Variants in KIAA1549 observed in about 807,000 individuals in gnomAD.
KIAA1549 encodes the protein KIAA1549.
Under a neutral mutation model 156.4 loss-of-function variants are expected in KIAA1549, and 70 were observed. The observed-to-expected ratio is 0.45, with a 90% CI of 0.37 to 0.55. The LOEUF is 0.55. Ranked by LOEUF, KIAA1549 falls within the 20% of genes least tolerant of loss-of-function variation. The probability of loss-of-function intolerance (pLI) is 0.00; values close to 1 mark genes in which losing one functional copy is unlikely to be tolerated. For synonymous variants in KIAA1549, 1,103 were observed against 1,066.4 expected (o/e 1.03, Z -0.67); for missense variants, 2,428 against 2,540.9 (o/e 0.96, Z 0.96).
At chr7:138,908,175 G>A (rs1812063048) in intron 5 of KIAA1549, among the ~76,000 whole-genome samples, 1 of 152,034 alleles carries the variant, frequency 6.6e-6, no homozygotes, top group South Asian at 2.1e-4. Flanking sequence ...CAGATTTACA[G>A]AAACTAACAG....
intron 15 of KIAA1549, among the ~76,000 whole-genome samples, chr7:138,867,363 T>G (rs994270850): frequency 2.0e-5 from 3 of 152,038 alleles, no homozygotes; most frequent in African/African-American, 7.2e-5. Flanking sequence ...GAGACCAGCC[T>G]GGGCAACATG....
chr7:138,940,618 T>G (rs1813156482), intron 1 of KIAA1549, among the ~76,000 whole-genome samples: 2 of 152,068 alleles, frequency 1.3e-5, no homozygotes, highest in African/African-American at 2.4e-5. Flanking sequence ...TGAACTAGTT[T>G]ACAGTCACAA....
intron 1 of KIAA1549, among the ~76,000 whole-genome samples, chr7:138,953,662 T>C (rs1813561976): frequency 6.6e-6 from 1 of 152,222 alleles, no homozygotes; most frequent in South Asian, 2.1e-4. Context: ...ATGTGATCCA[T>C]ATTCCCAAGC....
intron 9 of KIAA1549, among the ~76,000 whole-genome samples, chr7:138,897,240 T>A (rs1811708062): frequency 6.6e-6 from 1 of 152,216 alleles, no homozygotes; most frequent in Non-Finnish European, 1.5e-5. Context: ...TGCTCACTGC[T>A]TTGGAGGAGA....
chr7:138,852,774 T>C (rs1283008151), intron 16 of KIAA1549, among the ~76,000 whole-genome samples: 3 of 152,194 alleles, frequency 2.0e-5, no homozygotes, highest in Non-Finnish European at 4.4e-5. Flanking sequence ...TGTTGCAGAA[T>C]GCTGCAAAAA....
chr7:138,930,285 AT>A (rs1812834434), intron 1 of KIAA1549, among the ~76,000 whole-genome samples: 1 of 152,264 alleles, frequency 6.6e-6, no homozygotes, highest in African/African-American at 2.4e-5. Context: ...ACTTACCATA[AT>A]TCTTAAGGGC....
chr7:138,857,676 C>G (rs1184075284), intron 16 of KIAA1549, among the ~76,000 whole-genome samples: 2 of 152,216 alleles, frequency 1.3e-5, no homozygotes, highest in Non-Finnish European at 2.9e-5. Context: ...ATACTATGCA[C>G]ATAAACACGT....
rs777817216 is a variant in KIAA1549 at position 138,917,168 on chromosome 7, C to T, written c.2458G>A (p.Gly820Ser). ...PPDDQISALD[G>S]HVSVLASFSK... is the part of the protein sequence containing the mutation. ...AAAGAGGCCAGGACAGACACGTGAC[C>T]GTCTAGAGCACTGATTTGGTCGTCA... Residue 820 changes from glycine (G) to serine (S), a missense_variant, in exon 2 of 20, where the codon GGT (glycine) becomes AGT (serine). This residue lies in a region of KIAA1549 where 762 missense variants were observed against 901.6 expected (regional missense o/e 0.85). Transcript: ENST00000422774. 7 of 1,613,730 alleles carry T rather than the reference C, an allele frequency of 4.3e-6. No individual in the cohort carries two copies. Among genetic ancestry groups the T allele is most frequent in the African/African-American group, 2.7e-5 (2 of 74,900 alleles).
intron 1 of KIAA1549, 111 bp from the exon 2 acceptor site, chr7:138,919,549 A>G: frequency 6.7e-7 from 1 of 1,495,606 alleles, no homozygotes. Context: ...TTCACCATAA[A>G]TATCCATGAA....
At chr7:138,973,761 C>G (rs1199420143) in intron 1 of KIAA1549, among the ~76,000 whole-genome samples, 1 of 152,188 alleles carries the variant, frequency 6.6e-6, no homozygotes, top group South Asian at 2.1e-4. Flanking sequence ...CCTCCTGCCT[C>G]AGCCTCCCGA....
At chr7:138,939,934 G>C (rs1210753420) in intron 1 of KIAA1549, among the ~76,000 whole-genome samples, 1 of 152,158 alleles carries the variant, frequency 6.6e-6, no homozygotes, top group African/African-American at 2.4e-5. Context: ...ACTGCTTGAA[G>C]CCTGTGGTTT....
chr7:138,934,405 C>T (rs1042080292), intron 1 of KIAA1549, among the ~76,000 whole-genome samples: 19 of 134,076 alleles, frequency 1.4e-4, no homozygotes, highest in Non-Finnish European at 2.5e-4. Flanking sequence ...GTATTTGCTA[C>T]TAAAAAAAAA....
intron 1 of KIAA1549, among the ~76,000 whole-genome samples, chr7:138,961,044 G>A (rs1376661557): frequency 1.3e-5 from 2 of 152,206 alleles, no homozygotes; most frequent in Admixed American, 1.3e-4. Context: ...CAGGCCATCG[G>A]ACAGCACAGC....
chr7:138,919,465 G>A (rs760798986), intron 1 of KIAA1549, 27 bp from the exon 2 acceptor site: 1 of 1,593,800 alleles, frequency 6.3e-7, no homozygotes, highest in Non-Finnish European at 8.6e-7. Context: ...AGCTGGGTTA[G>A]TGCAATGCAT....
chr7:138,882,026 T>A (rs182521043), intron 10 of KIAA1549, among the ~76,000 whole-genome samples: 77 of 152,208 alleles, frequency 5.1e-4, no homozygotes, highest in African/African-American at 1.7e-3. Context: ...CTATGCTAGA[T>A]GGGTCAGAGC....
intron 1 of KIAA1549, among the ~76,000 whole-genome samples, chr7:138,960,870 A>T (rs56232918): frequency 0.22 from 32,887 of 152,200 alleles, 4,209 homozygotes; most frequent in African/African-American, 0.35. Flanking sequence ...ATTATGAAGC[A>T]AAGTCTCCAG....
intron 19 of KIAA1549, among the ~76,000 whole-genome samples, chr7:138,838,384 G>A (rs895402953): frequency 1.3e-5 from 2 of 152,138 alleles, no homozygotes; most frequent in South Asian, 2.1e-4. Context: ...GTGAAAGGTC[G>A]GGTGATATCT....
intron 9 of KIAA1549, among the ~76,000 whole-genome samples, chr7:138,897,034 G>A (rs1254705166): frequency 6.6e-6 from 1 of 152,158 alleles, no homozygotes; most frequent in Non-Finnish European, 1.5e-5. Flanking sequence ...CCATCCCTGA[G>A]ATCCCAGGAT....
intron 1 of KIAA1549, among the ~76,000 whole-genome samples, chr7:138,957,442 C>A (rs1321486244): frequency 8.0e-6 from 1 of 125,258 alleles, no homozygotes; most frequent in Middle Eastern, 3.6e-3. Flanking sequence ...CCTCCCCCTC[C>A]CCCTCCCCCT....
Sources: gnomAD v4.1 joint callset for allele counts (sites outside exome capture counted in the v4.1 genomes callset) on GRCh38, gnomAD v4.1.1 for gene constraint, gnomAD v4.1.1 regional missense constraint, MANE v1.5 for transcripts, NCBI Gene and HGNC (gene_info 2026-07-23, HGNC 2026-07-21) for gene names.